Variants in RHOBTB1 observed in about 807,000 individuals in gnomAD.
RHOBTB1 encodes Rho related BTB domain containing 1.
In RHOBTB1, 40 loss-of-function variants were observed where a neutral mutation model predicts 71.6. That is an observed-to-expected ratio of 0.56 (90% CI 0.43 to 0.73). The LOEUF (loss-of-function observed/expected upper bound fraction) is 0.73. Ranked by LOEUF, RHOBTB1 falls within the 30% of genes least tolerant of loss-of-function variation. The pLI is 0.00. For missense variants in RHOBTB1, 797 were observed against 894.0 expected, an observed-to-expected ratio of 0.89 and a Z score of 1.38; for synonymous variants, 319 against 334.9, an observed-to-expected ratio of 0.95 and a Z score of 0.52.
rs1258703794 is a variant in RHOBTB1 at position 60,941,842 on chromosome 10, C to T, written c.-49G>A. The T allele has an allele frequency of 1.3e-5, 2 of 152,546 alleles. No individual in the cohort carries two copies. Among genetic ancestry groups the T allele is most frequent in the East Asian group, 3.9e-4 (2 of 5,192 alleles). 9.4% of individuals were successfully genotyped at this position (152,546 alleles called of 1,614,324 possible). A position where few individuals can be genotyped will look rare whatever the true frequency, so the allele number is the denominator to read the frequency against. On this transcript the variant is annotated 5_prime_UTR_variant, in exon 2 of 11. The change creates a new upstream start codon in the 5' untranslated region. Transcript: ENST00000337910. ...AGTGAAGAACAGAACACTCTGCTCA[C>T]AGCTGGACTTACCTACATAAAAGAG...
the RHOBTB1 span, among the ~76,000 whole-genome samples, chr10:60,862,483 C>T: frequency 7.3e-6 from 1 of 137,900 alleles, no homozygotes; most frequent in South Asian, 2.3e-4. Flanking sequence ...CAGGTGTGAG[C>T]CACCATGCTC....
chr10:60,873,362 T>C (rs528812338), intron 9 of RHOBTB1, among the ~76,000 whole-genome samples: 15 of 152,280 alleles, frequency 9.9e-5, no homozygotes, highest in Middle Eastern at 3.4e-3. Flanking sequence ...ACGCAACAGA[T>C]TGGGGTCCCA....
intron 2 of RHOBTB1, among the ~76,000 whole-genome samples, chr10:60,981,786 T>C (rs961895541): frequency 6.6e-6 from 1 of 152,110 alleles, no homozygotes; most frequent in African/African-American, 2.4e-5. Context: ...TTTTTTTTTT[T>C]AACACGGAGT....
chr10:60,992,472 T>C (rs917281422), intron 1 of RHOBTB1, among the ~76,000 whole-genome samples: 4 of 152,220 alleles, frequency 2.6e-5, no homozygotes, highest in Non-Finnish European at 1.5e-5. Context: ...ATTTCAAAAA[T>C]GCCTAAGTCT....
chr10:60,899,637 C>T (rs914289682), intron 4 of RHOBTB1, among the ~76,000 whole-genome samples: 2 of 152,198 alleles, frequency 1.3e-5, no homozygotes, highest in East Asian at 1.9e-4. Flanking sequence ...CAGTATTATT[C>T]ATCAACCATC....
intron 3 of RHOBTB1, 126 bp downstream of exon 3, chr10:60,911,225 T>C (rs2082951439): frequency 3.0e-6 from 3 of 986,544 alleles, no homozygotes; most frequent in Non-Finnish European, 4.4e-6. Context: ...TTTTCTCTCG[T>C]GGCACTAAAA....
chr10:60,980,955 T>C (rs1244090706), intron 2 of RHOBTB1, among the ~76,000 whole-genome samples: 1 of 152,206 alleles, frequency 6.6e-6, no homozygotes, highest in African/African-American at 2.4e-5. Context: ...ATTAGGTGGC[T>C]AATTAAAAAG....
rs1053487098 is a variant in RHOBTB1, at chr10:60,870,433, C to T, written c.*1049G>A. ...ACTTCTGCAGCAACATGAATTTTCC[C>T]TGGGAAGAGTTAAAAATATGGGTCT... On this transcript the variant is annotated 3_prime_UTR_variant, in exon 11 of 11. Coordinates refer to ENST00000337910, the MANE Select transcript of RHOBTB1 (RefSeq NM_014836.5). 6.6e-6 allele frequency: 1 copy of T among 152,268 alleles called. No individual in the cohort carries two copies. The highest frequency in any genetic ancestry group is 2.4e-5 in the African/African-American group (1 of 41,436). 9.4% of individuals were successfully genotyped at this position (152,268 alleles called of 1,614,324 possible).
In RHOBTB1 at chr10:60,991,484, G is replaced by T. The variant is rs200856921; in HGVS notation, c.-162-5539C>A. 4.7e-5 allele frequency among the ~76,000 whole-genome samples: 7 copies of T among 148,770 alleles called. No homozygotes were observed. The East Asian group carries it at 1.4e-3, about 30-fold the overall frequency. ...CTTGCTCTGTCACGCAGGCTGGAGTGCAGTGGTGCAATCCTGGCTCACTGC... is the reference window on the plus strand; with the variant it reads ...CTTGCTCTGTCACGCAGGCTGGAGTTCAGTGGTGCAATCCTGGCTCACTGC... On this transcript the variant is annotated intron_variant, in intron 1 of 11. Coordinates refer to the RHOBTB1 transcript ENST00000357917.
At chr10:60,926,056 C>A (rs1357857878) in intron 2 of RHOBTB1, among the ~76,000 whole-genome samples, 3 of 151,964 alleles carry the variant, frequency 2.0e-5, no homozygotes, top group African/African-American at 7.3e-5. Flanking sequence ...CATGGTGCAC[C>A]CCGTCCCCCG....
At chr10:60,889,314 A>G in intron 5 of RHOBTB1, 129 bp from the exon 6 acceptor site, 1 of 838,904 alleles carries the variant, frequency 1.2e-6, no homozygotes, top group African/African-American at 1.7e-5. Flanking sequence ...CTCTGGAAAA[A>G]TCTGCCACCA....
rs1477272870 is a variant in RHOBTB1, at chr10:60,905,885, CA to C, written c.296+5001del. Among the ~76,000 whole-genome samples the C allele has an allele frequency of 2.0e-5, 3 of 152,138 alleles. No homozygotes were observed. The East Asian group carries it at 5.8e-4, about 29-fold the overall frequency. On this transcript the variant is annotated intron_variant, in intron 4 of 10. Transcript: ENST00000337910. The stretch of plus-strand genomic sequence containing the variant: ...AAACACAAGCACAACCAATCCCAGG[CA>C]AAGATACAAACACCAGTCACTACAG...
At chr10:60,912,733 A>G (rs1308882166) in intron 2 of RHOBTB1, 1 of 152,276 alleles carries the variant, frequency 6.6e-6, no homozygotes, top group East Asian at 1.9e-4. Context: ...AGCACCTGCC[A>G]GCTTGGTCTC....
intron 5 of RHOBTB1, among the ~76,000 whole-genome samples, chr10:60,892,409 GTA>G (rs2081966633): frequency 6.6e-6 from 1 of 152,184 alleles, no homozygotes; most frequent in Non-Finnish European, 1.5e-5. Context: ...ATGTGTGTTT[GTA>G]TGAATCTGAT....
At chr10:60,874,386 C>T (rs1173310464) in intron 9 of RHOBTB1, among the ~76,000 whole-genome samples, 1 of 152,190 alleles carries the variant, frequency 6.6e-6, no homozygotes, top group Non-Finnish European at 1.5e-5. Flanking sequence ...CATCCCATTT[C>T]CTGTGGATGA....
intron 9 of RHOBTB1, among the ~76,000 whole-genome samples, chr10:60,873,797 A>G (rs931049491): frequency 2.6e-5 from 4 of 152,196 alleles, no homozygotes; most frequent in African/African-American, 7.2e-5. Flanking sequence ...GATTTTAATA[A>G]TTTGTGTTTG....
chr10:60,891,436 G>A (rs2081915186), intron 5 of RHOBTB1, among the ~76,000 whole-genome samples: 1 of 145,162 alleles, frequency 6.9e-6, no homozygotes, highest in South Asian at 2.2e-4. Flanking sequence ...GTCCTCCCAG[G>A]TTCAGGTGAT....
At chr10:60,926,816 GAAGA>G (rs1251957675) in intron 2 of RHOBTB1, among the ~76,000 whole-genome samples, 1 of 152,160 alleles carries the variant, frequency 6.6e-6, no homozygotes, top group African/African-American at 2.4e-5. Context: ...CTAAGATCTG[GAAGA>G]AGACTAGCAT....
At chr10:60,959,487 T>C (rs1018245497) in intron 2 of RHOBTB1, among the ~76,000 whole-genome samples, 1 of 152,024 alleles carries the variant, frequency 6.6e-6, no homozygotes, top group Admixed American at 6.6e-5. Flanking sequence ...AAAATGTGAT[T>C]GCTCTACACA....
Sources: allele counts gnomAD v4.1 joint callset (sites outside exome capture counted in the v4.1 genomes callset), GRCh38; gene constraint gnomAD v4.1.1; transcripts MANE v1.5; gene names NCBI Gene and HGNC (gene_info 2026-07-23, HGNC 2026-07-21).